Variants in EIF3H observed in about 807,000 individuals in gnomAD.
The protein encoded by EIF3H is eIF-3-gamma.
A neutral mutation model predicts 44.2 loss-of-function variants in EIF3H; 26 were observed. The ratio of observed to expected loss-of-function variants is 0.59; its 90% CI spans 0.43 to 0.82. The LOEUF is 0.82. EIF3H is among the 40% of genes least tolerant of loss of function. The pLI is 0.00. For synonymous variants in EIF3H, 166 were observed against 151.9 expected (o/e 1.09, Z -0.68); for missense variants, 359 against 432.8 (o/e 0.83, Z 1.51).
intron 2 of EIF3H, among the ~76,000 whole-genome samples, chr8:116,665,712 C>T (rs1015556049): frequency 6.6e-6 from 1 of 152,144 alleles, no homozygotes; most frequent in African/African-American, 2.4e-5. Context: ...CAACATGGGA[C>T]ACCAGTGAGC....
intron 2 of EIF3H, among the ~76,000 whole-genome samples, chr8:116,695,064 A>T (rs1298218122): frequency 2.0e-5 from 3 of 149,538 alleles, no homozygotes; most frequent in Non-Finnish European, 3.0e-5. Flanking sequence ...AAACTTCCTA[A>T]TTCTTTTTTT....
chr8:116,676,760 C>T (rs1037847833), intron 2 of EIF3H, among the ~76,000 whole-genome samples: 2 of 152,162 alleles, frequency 1.3e-5, no homozygotes, highest in Non-Finnish European at 2.9e-5. Context: ...TTTCTAGAAA[C>T]GTACTTAGTT....
rs559489531 is a variant in EIF3H, at chr8:116,712,971, T to C, written c.289+13045A>G. Among the ~76,000 whole-genome samples, 3 of 152,226 alleles carry C rather than the reference T, an allele frequency of 2.0e-5. No homozygotes were observed. The East Asian group carries it at 5.8e-4, about 29-fold the overall frequency. ...CAAGTCTGAACTTGAAAAAAAGAAA[T>C]AGCAAGGATCTTTGGTTACATACTG... On this transcript the variant is annotated intron_variant, in intron 2 of 7. Transcript: ENST00000521861.
intron 3 of EIF3H, 128 bp downstream of exon 3, chr8:116,658,685 G>T: frequency 2.4e-6 from 2 of 837,282 alleles, no homozygotes; most frequent in Non-Finnish European, 3.6e-6. Context: ...TGCTGAGGCT[G>T]CTGCAGAAAC....
At chr8:116,648,592 C>T (rs1301819260) in intron 6 of EIF3H, among the ~76,000 whole-genome samples, 1 of 152,148 alleles carries the variant, frequency 6.6e-6, no homozygotes, top group Non-Finnish European at 1.5e-5. Context: ...ACAATCTGAG[C>T]TTAACAGCTC....
rs199538935 is a variant in EIF3H, at chr8:116,714,722, AAG to A, written c.289+11292_289+11293del. On this transcript the variant is annotated intron_variant, in intron 2 of 7. Coordinates refer to ENST00000521861, the MANE Select transcript of EIF3H (RefSeq NM_003756.3). Reference sequence around the variant, plus strand: ...TCATTTTTAAAAATGCAACAAAAGAAAGAGAGTTTTGAAAAAATCTGTCAAAC... The same window carrying A: ...TCATTTTTAAAAATGCAACAAAAGAAAGAGTTTTGAAAAAATCTGTCAAAC... Among the ~76,000 whole-genome samples the A allele has an allele frequency of 6.4e-3, 971 of 152,214 alleles. 43 individuals carry two copies. Among genetic ancestry groups the A allele is most frequent in the Admixed American group, 0.059 (894 of 15,280 alleles).
At chr8:116,680,596 G>A (rs1813965791) in intron 2 of EIF3H, among the ~76,000 whole-genome samples, 1 of 112,372 alleles carries the variant, frequency 8.9e-6, no homozygotes, top group Non-Finnish European at 1.8e-5. Flanking sequence ...GGCGGTGCAA[G>A]ATGTGCTTTG....
At position 116,700,038 on chromosome 8, in the gene EIF3H, T is replaced by A. The variant is rs569463383; in HGVS notation, c.289+25978A>T. Among the ~76,000 whole-genome samples, 6 of 152,332 alleles carry A rather than the reference T, an allele frequency of 3.9e-5. No homozygotes were observed. In the East Asian group the frequency reaches 1.2e-3, roughly 29 times the overall value. ...TCAGGATGGTCTCAAACTCCAGGCC[T>A]CAGGTGATCCTCCTGCCTTGGCCTC... On this transcript the variant is annotated intron_variant, in intron 2 of 7. Coordinates refer to ENST00000521861, the MANE Select transcript of EIF3H (RefSeq NM_003756.3).
chr8:116,678,020 C>T (rs1468619558), intron 2 of EIF3H, among the ~76,000 whole-genome samples: 3 of 152,174 alleles, frequency 2.0e-5, no homozygotes, highest in African/African-American at 4.8e-5. Context: ...TCTCCTTCCA[C>T]GGTCTCCCTC....
chr8:116,756,612 G>A (rs1018540621), upstream of EIF3H, among the ~76,000 whole-genome samples: 1 of 152,092 alleles, frequency 6.6e-6, no homozygotes, highest in Non-Finnish European at 1.5e-5. Context: ...CAATAAATAT[G>A]TATACAGAAC....
At chr8:116,734,312 C>G in intron 1 of EIF3H, 1 of 456,016 alleles carries the variant, frequency 2.2e-6, no homozygotes, top group Non-Finnish European at 4.4e-6. Context: ...TGAGAGGATA[C>G]CTGACCAGAG....
chr8:116,696,700 G>GT (rs1166469637), intron 2 of EIF3H, among the ~76,000 whole-genome samples: 18 of 151,190 alleles, frequency 1.2e-4, no homozygotes, highest in East Asian at 1.2e-3. Flanking sequence ...AATAGTGGGG[G>GT]TTTTTTTTTG....
rs187891362 is a variant in EIF3H, at chr8:116,667,042, A to G, written c.290-8062T>C. ...AGCTTGCATTAAACCATACAAGGTG[A>G]TAAGTAATATCAGAACTACAAAACA... On this transcript the variant is annotated intron_variant, in intron 2 of 7. Coordinates refer to ENST00000521861, the MANE Select transcript of EIF3H (RefSeq NM_003756.3). 1.3e-3 allele frequency among the ~76,000 whole-genome samples: 194 copies of G among 152,344 alleles called. 2 individuals carry two copies. The highest frequency in any genetic ancestry group is 1.4e-3 in the Non-Finnish European group (94 of 68,020).
intron 2 of EIF3H, among the ~76,000 whole-genome samples, chr8:116,701,632 T>C (rs1362640484): frequency 6.6e-6 from 1 of 152,178 alleles, no homozygotes; most frequent in Non-Finnish European, 1.5e-5. Context: ...AAAGGGCCAA[T>C]TCACTTGTAT....
chr8:116,656,733 T>G (rs1378392013), intron 4 of EIF3H, among the ~76,000 whole-genome samples: 2 of 152,110 alleles, frequency 1.3e-5, no homozygotes, highest in Non-Finnish European at 2.9e-5. Context: ...TTAAATAGGA[T>G]CCCAAAACAG....
intron 2 of EIF3H, among the ~76,000 whole-genome samples, chr8:116,682,179 GT>G (rs770600212): frequency 6.6e-6 from 1 of 152,178 alleles, no homozygotes; most frequent in Non-Finnish European, 1.5e-5. Context: ...ATTAAAATCA[GT>G]TGAAGGCTGT....
intron 2 of EIF3H, among the ~76,000 whole-genome samples, chr8:116,717,429 C>A (rs1817305517): frequency 6.6e-6 from 1 of 152,034 alleles, no homozygotes; most frequent in Non-Finnish European, 1.5e-5. Flanking sequence ...CAAAAAAGAG[C>A]CTTCATGGCC....
intron 2 of EIF3H, among the ~76,000 whole-genome samples, chr8:116,681,666 C>CAA (rs1176033381): frequency 0.13 from 12,081 of 90,580 alleles, 1,041 homozygotes; most frequent in African/African-American, 0.26. Context: ...AACTCCATCT[C>CAA]AAAAAAAAAA....
chr8:116,693,198 T>C (rs1457197532), intron 2 of EIF3H, among the ~76,000 whole-genome samples: 3 of 152,202 alleles, frequency 2.0e-5, no homozygotes, highest in Admixed American at 1.3e-4. Context: ...AATAATCAAA[T>C]AGACCTAAAG....
Sources: gnomAD v4.1 joint callset for allele counts (sites outside exome capture counted in the v4.1 genomes callset) on GRCh38, gnomAD v4.1.1 for gene constraint, MANE v1.5 for transcripts, NCBI Gene and HGNC (gene_info 2026-07-23, HGNC 2026-07-21) for gene names.